SMCHD1: variants seen among roughly 807,000 people sequenced by gnomAD.
SMCHD1 encodes the protein structural maintenance of chromosomes flexible hinge domain-containing protein 1.
A neutral mutation model predicts 254.7 loss-of-function variants in SMCHD1; 78 were observed. The observed-to-expected ratio is 0.31, with a 90% CI of 0.26 to 0.37. SMCHD1 has a LOEUF of 0.37. Among genes scored for constraint, SMCHD1 ranks in the 10% least tolerant of loss-of-function variants. The probability of loss-of-function intolerance (pLI) is 1.00; values close to 1 mark genes in which losing one functional copy is unlikely to be tolerated. For synonymous variants in SMCHD1, 766 were observed against 794.9 expected (o/e 0.96, Z 0.61); for missense variants, 1,840 against 2,408.1 (o/e 0.76, Z 4.94).
At chr18:2,685,511 AC>A (rs1188341401) in intron 5 of SMCHD1, among the ~76,000 whole-genome samples, 1 of 152,190 alleles carries the variant, frequency 6.6e-6, no homozygotes, top group African/African-American at 2.4e-5. Context: ...GACATTAATT[AC>A]AGTCACAGTC....
chr18:2,695,151 A>C (rs923385647), intron 8 of SMCHD1, among the ~76,000 whole-genome samples: 1 of 152,154 alleles, frequency 6.6e-6, no homozygotes, highest in Non-Finnish European at 1.5e-5. Flanking sequence ...GAATGAATGC[A>C]TCAAGCCTAT....
At chr18:2,791,155 G>C (rs895860621) in intron 45 of SMCHD1, among the ~76,000 whole-genome samples, 1 of 152,128 alleles carries the variant, frequency 6.6e-6, no homozygotes, top group Non-Finnish European at 1.5e-5. Flanking sequence ...AGAACAACAA[G>C]AATAAGTTTT....
intron 3 of SMCHD1, among the ~76,000 whole-genome samples, chr18:2,671,525 C>T (rs914569124): frequency 6.6e-6 from 1 of 151,750 alleles, no homozygotes. Flanking sequence ...TTCCCTACTT[C>T]TGTTTCCCTA....
chr18:2,689,884 T>TGTG lies in SMCHD1; in HGVS notation c.873+1144_873+1146dup, dbSNP rs2074136636. ...AAAAAAAAAAAAAAAAAAAGCCGGG[T>TGTG]GTGGTGGTGTGCGCCTGTAGTCCCA... On this transcript the variant is annotated intron_variant, in intron 7 of 47. Coordinates refer to ENST00000320876, the MANE Select transcript of SMCHD1 (RefSeq NM_015295.3). 3.7e-5 allele frequency among the ~76,000 whole-genome samples: 4 copies of TGTG among 108,120 alleles called. No homozygotes were observed. In the South Asian group the frequency reaches 1.2e-3, roughly 33 times the overall value. 70.9% of individuals were successfully genotyped at this position (108,120 alleles called of 152,430 possible).
intron 5 of SMCHD1, among the ~76,000 whole-genome samples, chr18:2,684,700 A>AGTGTTTGTGTGTGTGTGT (rs1555629724): frequency 8.7e-6 from 1 of 115,526 alleles, no homozygotes; most frequent in Non-Finnish European, 1.8e-5. Context: ...TTGCAGATTC[A>AGTGTTTGTGTGTGTGTGT]GTGTGTGTGT....
intron 3 of SMCHD1, among the ~76,000 whole-genome samples, chr18:2,669,713 C>T (rs2073542803): frequency 6.6e-6 from 1 of 152,186 alleles, no homozygotes; most frequent in Non-Finnish European, 1.5e-5. Context: ...GGGTTTATCT[C>T]TTGAAGTCCA....
chr18:2,707,709 T>C (rs2074551216), intron 16 of SMCHD1, 64 bp downstream of exon 16: 2 of 1,475,314 alleles, frequency 1.4e-6, no homozygotes, highest in African/African-American at 1.4e-5. Flanking sequence ...ATTTCCAATA[T>C]GTAAAAGGTC....
At chr18:2,752,899 G>T in intron 34 of SMCHD1, 1 of 191,078 alleles carries the variant, frequency 5.2e-6, no homozygotes, top group Non-Finnish European at 1.1e-5. Context: ...GCATGTTGCT[G>T]CTTCATTCTG....
chr18:2,717,241 G>C (rs555602), intron 17 of SMCHD1, among the ~76,000 whole-genome samples: 1 of 152,192 alleles, frequency 6.6e-6, no homozygotes, highest in African/African-American at 2.4e-5. Flanking sequence ...GGAGCTCCCA[G>C]CTGGCTTCAG....
rs2075771542 is a variant in SMCHD1 at position 2,760,812 on chromosome 18, C to T, written c.4434+73C>T. Reference sequence around the variant, plus strand: ...TTTTTTCCCTCTTGGTTCTGCATTACATGAAATAGCTTCACATTTTCTCAT... The same window carrying T: ...TTTTTTCCCTCTTGGTTCTGCATTATATGAAATAGCTTCACATTTTCTCAT... On this transcript the variant is annotated intron_variant, in intron 35 of 47. Transcript: ENST00000320876. 6.8e-6 allele frequency: 5 copies of T among 736,504 alleles called. No individual in the cohort carries two copies. The Admixed American group carries it at 1.3e-4, about 19-fold the overall frequency. The allele number at this position is 736,504 out of a possible 1,614,324, so 45.6% of individuals were successfully genotyped here. A position where few individuals can be genotyped will look rare whatever the true frequency, so the allele number is the denominator to read the frequency against.
intron 47 of SMCHD1, chr18:2,800,550 C>G (rs1415828825): frequency 1.3e-5 from 2 of 152,100 alleles, no homozygotes; most frequent in African/African-American, 4.8e-5. Flanking sequence ...GTTGACCAGG[C>G]TGGTCTCAAG....
At chr18:2,719,043 C>T (rs887693820) in intron 19 of SMCHD1, among the ~76,000 whole-genome samples, 29 of 151,374 alleles carry the variant, frequency 1.9e-4, no homozygotes, top group Non-Finnish European at 1.6e-4. Context: ...TTAGGGGAAT[C>T]CCAGTTTCTG....
chr18:2,657,011 A>T (rs534190222), intron 1 of SMCHD1, among the ~76,000 whole-genome samples: 120 of 152,308 alleles, frequency 7.9e-4, no homozygotes, highest in Middle Eastern at 3.4e-3. Context: ...ACTGTGATGT[A>T]CTTTATAGAT....
chr18:2,749,023 A>G (rs904633431), intron 30 of SMCHD1, among the ~76,000 whole-genome samples: 2 of 152,326 alleles, frequency 1.3e-5, no homozygotes, highest in East Asian at 3.9e-4. Flanking sequence ...TAGTAATTAC[A>G]GTTGGAGTTT....
chr18:2,748,600 G>A (rs186686926), intron 30 of SMCHD1, among the ~76,000 whole-genome samples: 2 of 151,944 alleles, frequency 1.3e-5, no homozygotes, highest in Admixed American at 6.5e-5. Context: ...TCACCACGTT[G>A]GCCAGGCTGG....
rs1010642143 is a variant in SMCHD1, at chr18:2,804,249, G to C, written c.*1697G>C. ...TCCAAGGCATTGAGACTATCTAGAA[G>C]CAAAAAAGTTGGTTTTAAAAATTCT... On this transcript the variant is annotated 3_prime_UTR_variant, in exon 48 of 48. Coordinates refer to ENST00000320876, the MANE Select transcript of SMCHD1 (RefSeq NM_015295.3). 1 of 152,138 alleles carries C rather than the reference G, an allele frequency of 6.6e-6. No homozygotes were observed. Among genetic ancestry groups the C allele is most frequent in the Non-Finnish European group, 1.5e-5 (1 of 68,010 alleles). The allele number at this position is 152,138 out of a possible 1,614,324, so 9.4% of individuals were successfully genotyped here.
Position 2,802,548 on chromosome 18 carries a change from T to G in SMCHD1, c.6014T>G (p.Val2005Gly), listed in dbSNP as rs1334340984. The change falls in exon 48 of 48, where the codon GTA (valine) becomes GGA (glycine). Residue 2005 changes from valine (V) to glycine (G), a missense_variant. Val to Gly is a moderately radical substitution (Grantham distance 109, BLOSUM62 -3). Transcript: ENST00000320876. ...RQNRIITKTD[V>G] is the part of the protein sequence containing the mutation. ...ACCAGGATTATAACCAAAACAGATG[T>G]ATGAGAGGTGACAGAGAGAAGAGGC... is the stretch of plus-strand genomic sequence containing the variant. 1.3e-5 allele frequency: 20 copies of G among 1,553,604 alleles called. 1 individual carries two copies. In the South Asian group the frequency reaches 2.2e-4, roughly 17 times the overall value.
At chr18:2,694,420 C>A in intron 7 of SMCHD1, 107 bp from the exon 8 acceptor site, 1 of 980,954 alleles carries the variant, frequency 1.0e-6, no homozygotes, top group Non-Finnish European at 1.5e-6. Context: ...TTTCTGAAAC[C>A]TATTTGTGAA....
intron 45 of SMCHD1, among the ~76,000 whole-genome samples, chr18:2,787,197 G>C (rs1410153435): frequency 2.6e-5 from 4 of 152,152 alleles, no homozygotes; most frequent in Non-Finnish European, 5.9e-5. Context: ...AAGGGAAGGG[G>C]AGGGAAGGTG....
Sources: gnomAD v4.1 joint callset for allele counts (sites outside exome capture counted in the v4.1 genomes callset) on GRCh38, gnomAD v4.1.1 for gene constraint, MANE v1.5 for transcripts, NCBI Gene and HGNC (gene_info 2026-07-23, HGNC 2026-07-21) for gene names.